The following ODAD2 variants were observed in gnomAD, a reference collection of about 807,000 sequenced individuals.
The protein encoded by ODAD2 is outer dynein arm docking complex subunit 2, also known as outer dynein arm-docking complex subunit 2.
ODAD2 carries 89 observed loss-of-function variants against 106.8 expected under a neutral mutation model. The ratio of observed to expected loss-of-function variants is 0.83; its 90% CI spans 0.70 to 0.99. The LOEUF is 0.99. Among genes scored for constraint, ODAD2 ranks in the 50% least tolerant of loss-of-function variants. The pLI, the probability that ODAD2 is intolerant of heterozygous loss-of-function variation, is 0.00. For missense variants in ODAD2, 1,168 were observed against 1,238.5 expected (o/e 0.94, Z 0.85); for synonymous variants, 404 against 436.2 (o/e 0.93, Z 0.92).
chr10:27,885,680 TAATA>T (rs1564466007), intron 17 of ODAD2, among the ~76,000 whole-genome samples: 1 of 13,832 alleles, frequency 7.2e-5, no homozygotes, highest in African/African-American at 1.4e-4. Flanking sequence ...AAAATATATA[TAATA>T]TATAATATAT....
intron 19 of ODAD2, among the ~76,000 whole-genome samples, chr10:27,815,912 T>C (rs756548463): frequency 3.3e-5 from 5 of 152,328 alleles, no homozygotes; most frequent in Middle Eastern, 6.8e-3. Flanking sequence ...CACAGCCACC[T>C]CAAGCTTAAT....
At chr10:27,984,031 T>C in intron 5 of ODAD2, 52 bp from the exon 6 acceptor site, 1 of 1,581,684 alleles carries the variant, frequency 6.3e-7, no homozygotes, top group Non-Finnish European at 8.6e-7. Context: ...TAGAGTTTGG[T>C]AAAAAGTGTT....
chr10:27,884,366 G>A (rs919044349), intron 17 of ODAD2, among the ~76,000 whole-genome samples: 4 of 152,050 alleles, frequency 2.6e-5, no homozygotes, highest in African/African-American at 9.7e-5. Flanking sequence ...TAAAGAAAAT[G>A]CCAAACCACA....
intron 17 of ODAD2, among the ~76,000 whole-genome samples, chr10:27,897,697 T>C (rs1015696013): frequency 1.3e-5 from 2 of 152,166 alleles, no homozygotes; most frequent in African/African-American, 4.8e-5. Flanking sequence ...GCCGCAATGA[T>C]AAATGCATAC....
chr10:27,951,318 A>G (rs1272165660), intron 10 of ODAD2, among the ~76,000 whole-genome samples: 1 of 152,208 alleles, frequency 6.6e-6, no homozygotes, highest in Non-Finnish European at 1.5e-5. Flanking sequence ...AGTTTTAAAA[A>G]TGTTAAGGTA....
intron 19 of ODAD2, chr10:27,836,262 T>G (rs1837880931): frequency 6.6e-6 from 1 of 152,098 alleles, no homozygotes; most frequent in African/African-American, 2.4e-5. Context: ...TTGAGGAAAA[T>G]ATTATCATCC....
At chr10:27,855,042 G>C (rs1839564214) in intron 19 of ODAD2, among the ~76,000 whole-genome samples, 1 of 152,108 alleles carries the variant, frequency 6.6e-6, no homozygotes, top group African/African-American at 2.4e-5. Context: ...TTATGTAAGG[G>C]TACCAGGAAA....
In ODAD2 at chr10:27,885,775, A is replaced by T. The variant is rs1266754746; in HGVS notation, c.2610+21888T>A. The stretch of plus-strand genomic sequence containing the variant: ...AATATATATTTTATATATATTATAT[A>T]AAATATATATTATATATAATATATA... On this transcript the variant is annotated intron_variant, in intron 17 of 19. Coordinates refer to ENST00000305242, the MANE Select transcript of ODAD2 (RefSeq NM_018076.5). Among the ~76,000 whole-genome samples the T allele has an allele frequency of 5.0e-5, 3 of 60,472 alleles. 1 individual carries two copies. Among genetic ancestry groups the T allele is most frequent in the African/African-American group, 1.9e-4 (3 of 15,452 alleles). 39.7% of individuals were successfully genotyped at this position (60,472 alleles called of 152,430 possible).
intron 10 of ODAD2, among the ~76,000 whole-genome samples, chr10:27,960,492 G>C (rs1220368358): frequency 6.6e-6 from 1 of 151,546 alleles, no homozygotes; most frequent in Non-Finnish European, 1.5e-5. Context: ...GATTACAGGC[G>C]TGTGCCACCA....
chr10:27,845,329 T>C (rs1014326403), intron 19 of ODAD2, among the ~76,000 whole-genome samples: 2 of 152,108 alleles, frequency 1.3e-5, no homozygotes, highest in Non-Finnish European at 1.5e-5. Flanking sequence ...CTAAGCTTCA[T>C]AAGTGAAGGA....
At chr10:27,874,533 T>G (rs1016721077) in intron 17 of ODAD2, among the ~76,000 whole-genome samples, 1 of 152,090 alleles carries the variant, frequency 6.6e-6, no homozygotes, top group Non-Finnish European at 1.5e-5. Flanking sequence ...TTCAGGAGCT[T>G]TTGTAGGGCA....
chr10:27,990,012 G>A (rs1850122312), intron 2 of ODAD2, among the ~76,000 whole-genome samples: 1 of 152,178 alleles, frequency 6.6e-6, no homozygotes, highest in African/African-American at 2.4e-5. Context: ...GGAAGAATGA[G>A]CTATCAAAAA....
chr10:27,894,763 C>T (rs1178186530), intron 17 of ODAD2, among the ~76,000 whole-genome samples: 2 of 151,764 alleles, frequency 1.3e-5, no homozygotes, highest in African/African-American at 4.8e-5. Flanking sequence ...GAGGAGTCTC[C>T]CTATGCTCCC....
chr10:27,954,720 G>A (rs1194349604), intron 10 of ODAD2, among the ~76,000 whole-genome samples: 1 of 152,198 alleles, frequency 6.6e-6, no homozygotes, highest in Non-Finnish European at 1.5e-5. Flanking sequence ...GGCAAGGAAA[G>A]TTTAAAGCTC....
intron 17 of ODAD2, among the ~76,000 whole-genome samples, chr10:27,868,684 C>T (rs950981263): frequency 2.0e-5 from 3 of 151,842 alleles, no homozygotes; most frequent in Admixed American, 6.6e-5. Context: ...CCTGCTGGGG[C>T]ACGGAGGGAG....
At chr10:27,899,045 G>C (rs1843021587) in intron 17 of ODAD2, among the ~76,000 whole-genome samples, 1 of 151,456 alleles carries the variant, frequency 6.6e-6, no homozygotes, top group South Asian at 2.1e-4. Flanking sequence ...AACAGCTCTG[G>C]TCTGCAGCTC....
chr10:27,873,008 C>T (rs534699708), intron 17 of ODAD2, among the ~76,000 whole-genome samples: 1 of 152,244 alleles, frequency 6.6e-6, no homozygotes, highest in East Asian at 1.9e-4. Flanking sequence ...GGTTGGTAGG[C>T]TATTAATTGT....
chr10:27,926,916 T>C (rs1431829564), intron 16 of ODAD2, among the ~76,000 whole-genome samples: 2 of 152,146 alleles, frequency 1.3e-5, no homozygotes, highest in Non-Finnish European at 2.9e-5. Context: ...CAAATAGACA[T>C]TACTTGATAC....
rs1247501567 is a variant in ODAD2, at chr10:27,993,970, A to ATG, written c.224+948_224+949insCA. On this transcript the variant is annotated intron_variant, in intron 2 of 19. Transcript: ENST00000305242. Reference sequence around the variant, plus strand: ...AACTGAGGCTGGCAAATATATATATATATATGTGTGTGTGTGTGTGTGTGT... The same window carrying ATG: ...AACTGAGGCTGGCAAATATATATATATGTATATGTGTGTGTGTGTGTGTGTGT... Among the ~76,000 whole-genome samples, 670 of 108,508 alleles carry ATG rather than the reference A, an allele frequency of 6.2e-3. 8 individuals are homozygous for ATG. The highest frequency in any genetic ancestry group is 0.042 in the East Asian group (158 of 3,732). 71.2% of individuals were successfully genotyped at this position (108,508 alleles called of 152,430 possible).
Sources: gnomAD v4.1 joint callset for allele counts (sites outside exome capture counted in the v4.1 genomes callset) on GRCh38, gnomAD v4.1.1 for gene constraint, MANE v1.5 for transcripts, NCBI Gene and HGNC (gene_info 2026-07-23, HGNC 2026-07-21) for gene names.